NOS2: variants seen among roughly 807,000 people sequenced by gnomAD.
NOS2 encodes nitric oxide synthase 2, also known as nitric oxide synthase, inducible.
A neutral mutation model predicts 136.0 loss-of-function variants in NOS2; 96 were observed. The observed-to-expected ratio is 0.71, with a 90% CI of 0.60 to 0.84. NOS2 has a LOEUF of 0.84. Among genes scored for constraint, NOS2 ranks in the 40% least tolerant of loss-of-function variants. The pLI, the probability that NOS2 is intolerant of heterozygous loss-of-function variation, is 0.00. For missense variants in NOS2, 1,237 were observed against 1,496.9 expected, an observed-to-expected ratio of 0.83 and a Z score of 2.87; for synonymous variants, 539 against 587.5, an observed-to-expected ratio of 0.92 and a Z score of 1.20.
chr17:27,792,509 T>G (rs1472604038), intron 2 of NOS2, among the ~76,000 whole-genome samples: 1 of 152,186 alleles, frequency 6.6e-6, no homozygotes, highest in East Asian at 1.9e-4. Flanking sequence ...TTCTTCTGGC[T>G]GGCTGCTGGG....
chr17:27,774,536 T>C (rs1160649797), intron 11 of NOS2, 85 bp from the exon 12 acceptor site: 2 of 1,099,246 alleles, frequency 1.8e-6, no homozygotes, highest in Non-Finnish European at 2.5e-6. Flanking sequence ...TCCCAGAGAG[T>C]GCCTGGGAAG....
At chr17:27,787,657 C>T (rs200624212) in intron 5 of NOS2, 21 bp downstream of exon 5, 11 of 1,597,854 alleles carry the variant, frequency 6.9e-6, no homozygotes, top group South Asian at 1.1e-5. Flanking sequence ...AGGCAGCGAC[C>T]CTGCAGGAGG....
intron 2 of NOS2, among the ~76,000 whole-genome samples, chr17:27,794,735 CA>C (rs1909300569): frequency 6.6e-6 from 1 of 152,032 alleles, no homozygotes; most frequent in Non-Finnish European, 1.5e-5. Flanking sequence ...CACACACACA[CA>C]CACACACACA....
rs1382582626 is a variant in NOS2, at chr17:27,756,956, T to A, written c.*290A>T. Reference sequence around the variant, plus strand: ...CTGGTGGTCACTTGAAGTGGTGCACTCAGCAGCAAGTTCCATCTTTCACCC... The same window carrying A: ...CTGGTGGTCACTTGAAGTGGTGCACACAGCAGCAAGTTCCATCTTTCACCC... On this transcript the variant is annotated 3_prime_UTR_variant, in exon 27 of 27. Transcript: ENST00000313735. 1 of 383,530 alleles carries A rather than the reference T, an allele frequency of 2.6e-6. No homozygotes were observed. 23.8% of individuals were successfully genotyped at this position (383,530 alleles called of 1,614,324 possible).
chr17:27,780,753 C>A lies in NOS2; in HGVS notation c.1004+14G>T, dbSNP rs1908816025. 6.2e-7 allele frequency: 1 copy of A among 1,614,124 alleles called. No homozygotes were observed. ...TTGACTCGCCCTTGCCCCCAGCACC[C>A]TCAGCCTACTTACTTGGGATGTTCC... On this transcript the variant is annotated intron_variant, in intron 9 of 26. Transcript: ENST00000313735.
intron 2 of NOS2, among the ~76,000 whole-genome samples, chr17:27,796,961 C>T (rs1040449318): frequency 1.1e-4 from 16 of 152,172 alleles, no homozygotes; most frequent in African/African-American, 3.9e-4. Flanking sequence ...CACAGCTAGA[C>T]TGTCCTGCTC....
rs869055216 is a variant in NOS2, at chr17:27,791,769, G to GAA, written c.111-2083_111-2082dup. On this transcript the variant is annotated intron_variant, in intron 2 of 26. Coordinates refer to ENST00000313735, the MANE Select transcript of NOS2 (RefSeq NM_000625.4). ...TGGTCTAGACTGGTGTGGCCTGCCA[G>GAA]AAAAAAACAAAACAAAACAAAACAA... Among the ~76,000 whole-genome samples, 44 of 110,962 alleles carry GAA rather than the reference G, an allele frequency of 4.0e-4. 1 individual carries two copies. Among genetic ancestry groups the GAA allele is most frequent in the African/African-American group, 7.6e-4 (20 of 26,246 alleles). The allele number at this position is 110,962 out of a possible 152,430, so 72.8% of individuals were successfully genotyped here.
intron 5 of NOS2, among the ~76,000 whole-genome samples, chr17:27,785,677 G>A (rs1908999716): frequency 1.3e-5 from 2 of 152,134 alleles, no homozygotes; most frequent in South Asian, 4.1e-4. Context: ...CTGGAGGTGG[G>A]CCAGGTGCAG....
Position 27,760,113 on chromosome 17 carries a change from G to A in NOS2, c.3076C>T (p.Gln1026Ter). 2 of 1,607,300 alleles carry A rather than the reference G, an allele frequency of 1.2e-6. No individual in the cohort carries two copies. Among genetic ancestry groups the A allele is most frequent in the Non-Finnish European group, 1.7e-6 (2 of 1,177,054 alleles). ...CRRPDEDHIY[Q>*]EEMLEMAQKG... ...TGGGCCATCTCCAGCATCTCCTCCT[G>A]GTAGATGTGGTCCTCATCTGGGCGG... Residue 1026 changes from glutamine to a stop codon, truncating the protein, a stop_gained, in exon 25 of 27, where the codon CAG becomes TAG. Transcript: ENST00000313735. LOFTEE classifies it high-confidence loss of function.
intron 22 of NOS2, among the ~76,000 whole-genome samples, chr17:27,762,272 C>A (rs1230015071): frequency 6.6e-5 from 10 of 152,230 alleles, no homozygotes; most frequent in Admixed American, 6.5e-4. Context: ...CAGGGCTGAT[C>A]TCTGTTGTAT....
chr17:27,798,905 A>G, intron 1 of NOS2, 23 bp from the exon 2 acceptor site: 4 of 812,474 alleles, frequency 4.9e-6, no homozygotes, highest in Middle Eastern at 2.2e-4. Flanking sequence ...AGCAGAGGTG[A>G]GGGAAGGTTG....
At chr17:27,787,094 A>G (rs1314985917) in intron 5 of NOS2, among the ~76,000 whole-genome samples, 1 of 152,236 alleles carries the variant, frequency 6.6e-6, no homozygotes, top group African/African-American at 2.4e-5. Flanking sequence ...GCAAAGAGCA[A>G]TGGCCTGCCC....
chr17:27,797,030 A>T (rs185045302), intron 2 of NOS2, among the ~76,000 whole-genome samples: 4 of 152,248 alleles, frequency 2.6e-5, no homozygotes, highest in Admixed American at 2.6e-4. Flanking sequence ...CCTACCCTGC[A>T]TTCAAGCCCT....
chr17:27,757,491 G>T, intron 26 of NOS2, 138 bp from the exon 27 acceptor site: 1 of 713,758 alleles, frequency 1.4e-6, no homozygotes, highest in Non-Finnish European at 2.3e-6. Flanking sequence ...GCTTGAATCT[G>T]GTTTAGACCC....
intron 2 of NOS2, among the ~76,000 whole-genome samples, chr17:27,791,784 A>C (rs1909199724): frequency 6.6e-6 from 1 of 150,512 alleles, no homozygotes; most frequent in East Asian, 1.9e-4. Context: ...AAACAAAACA[A>C]AACAAAACAA....
In NOS2 at chr17:27,760,068, C is replaced by A. The variant is rs535449381; in HGVS notation, c.3121G>T (p.Val1041Leu). The A allele has an allele frequency of 5.6e-6, 9 of 1,594,622 alleles. No individual in the cohort carries two copies. In the South Asian group the frequency reaches 7.9e-5, roughly 14 times the overall value. The change falls in exon 25 of 27, where the codon GTG becomes TTG. Residue 1041 changes from valine (V) to leucine (L), a missense_variant. Physicochemically the swap from Val to Leu is conservative, Grantham distance 32 (BLOSUM62 1). Transcript: ENST00000313735. ...GGCAGGCGGGAATAGGCTGTGTGCACCGCATGCAGCACCCCCTTCTGGGCC... is the reference window on the plus strand; with the variant it reads ...GGCAGGCGGGAATAGGCTGTGTGCAACGCATGCAGCACCCCCTTCTGGGCC... ...EMAQKGVLHA[V>L]HTAYSRLPGK...
At chr17:27,757,684 T>C (rs1907972369) in intron 26 of NOS2, among the ~76,000 whole-genome samples, 1 of 152,198 alleles carries the variant, frequency 6.6e-6, no homozygotes, top group African/African-American at 2.4e-5. Context: ...TGAAGGGTCC[T>C]GATGAACAGC....
At position 27,774,428 on chromosome 17, in the gene NOS2, G is replaced by C. The variant is rs1458349457; in HGVS notation, c.1305C>G (p.Asp435Glu). 6.7e-7 allele frequency: 1 copy of C among 1,502,836 alleles called. No homozygotes were observed. 93.1% of individuals were successfully genotyped at this position (1,502,836 alleles called of 1,614,324 possible). Residue 435 changes from aspartate (D) to glutamate (E), a missense_variant, in exon 12 of 27, where the codon GAC becomes GAG. Around this residue, in one of 3 missense-constraint regions of NOS2, gnomAD observed 15 missense variants for 41.6 expected, o/e 0.36. Transcript: ENST00000313735. The part of the protein sequence containing the change: ...SFQKQNVTIM[D>E]HHSAAESFMK... ...TGAAGGATTCTGCAGCCGAGTGGTGGTCCATGATGGTCACATTCTGCTTCT... is the reference window on the plus strand; with the variant it reads ...TGAAGGATTCTGCAGCCGAGTGGTGCTCCATGATGGTCACATTCTGCTTCT...
Position 27,764,150 on chromosome 17 carries a change from T to C in NOS2, c.2429-6A>G. 1 of 1,503,118 alleles carries C rather than the reference T, an allele frequency of 6.7e-7. No homozygotes were observed. Among genetic ancestry groups the C allele is most frequent in the Non-Finnish European group, 8.9e-7 (1 of 1,119,936 alleles). 93.1% of individuals were successfully genotyped at this position (1,503,118 alleles called of 1,614,324 possible). A position where few individuals can be genotyped will look rare whatever the true frequency, so the allele number is the denominator to read the frequency against. ...GTCACTGACCCAGTAGCTGCCTGGA[T>C]GGGGAAGGAAGGTGTCAGGATGGAA... On this transcript the variant is annotated splice_polypyrimidine_tract_variant and splice_region_variant and intron_variant, in intron 20 of 26. Transcript: ENST00000313735.
Sources: gnomAD v4.1 joint callset for allele counts (sites outside exome capture counted in the v4.1 genomes callset) on GRCh38, gnomAD v4.1.1 for gene constraint, gnomAD v4.1.1 regional missense constraint, MANE v1.5 for transcripts, NCBI Gene and HGNC (gene_info 2026-07-23, HGNC 2026-07-21) for gene names.